Variants in ZNF544 observed in about 807,000 individuals in gnomAD.
ZNF544 encodes the protein zinc finger protein AF020591.
Under a neutral mutation model 13.5 loss-of-function variants are expected in ZNF544, and 10 were observed. That is an observed-to-expected ratio of 0.74 (90% CI 0.46 to 1.25). The LOEUF is 1.25. ZNF544 is among the 50% of genes most tolerant of loss of function. The pLI, the probability that ZNF544 is intolerant of heterozygous loss-of-function variation, is 0.00. For missense variants in ZNF544, 896 were observed against 845.6 expected (o/e 1.06, Z -0.74); for synonymous variants, 323 against 300.5 (o/e 1.07, Z -0.77).
At chr19:58,264,537 C>G (rs1042734447), downstream of ZNF544, among the ~76,000 whole-genome samples, 1 of 151,372 alleles carries the variant, frequency 6.6e-6, no homozygotes, top group Non-Finnish European at 1.5e-5. Flanking sequence ...ACTAAAAATA[C>G]AAAAATTAGC....
chr19:58,242,382 C>A, intron 3 of ZNF544: 1 of 750,378 alleles, frequency 1.3e-6, no homozygotes, highest in Non-Finnish European at 1.6e-6. Context: ...CTTGATATTC[C>A]AGGGAATTTT....
intron 3 of ZNF544, among the ~76,000 whole-genome samples, chr19:58,237,042 C>T (rs900919631): frequency 6.1e-5 from 9 of 148,678 alleles, no homozygotes; most frequent in Non-Finnish European, 1.2e-4. Flanking sequence ...CACCTGGCCT[C>T]ATTCTATGAA....
intron 3 of ZNF544, among the ~76,000 whole-genome samples, chr19:58,239,986 C>T (rs2043219831): frequency 6.6e-6 from 1 of 152,158 alleles, no homozygotes; most frequent in Non-Finnish European, 1.5e-5. Flanking sequence ...GCTCATTCAG[C>T]TCCCAGTGGA....
intron 3 of ZNF544, among the ~76,000 whole-genome samples, chr19:58,239,831 T>C (rs1039035034): frequency 6.7e-5 from 10 of 150,198 alleles, no homozygotes; most frequent in African/African-American, 2.5e-4. Flanking sequence ...CCCAGGAGAC[T>C]GAGGTTGCAG....
downstream of ZNF544, among the ~76,000 whole-genome samples, chr19:58,264,955 C>T (rs564373406): frequency 2.0e-5 from 3 of 152,210 alleles, no homozygotes; most frequent in East Asian, 1.9e-4. Flanking sequence ...GTCTCACCTG[C>T]AGTGAGCTGA....
intron 3 of ZNF544, among the ~76,000 whole-genome samples, chr19:58,238,675 C>T (rs2042935282): frequency 1.3e-5 from 2 of 152,046 alleles, no homozygotes; most frequent in African/African-American, 4.8e-5. Context: ...CAGGAGCCTC[C>T]CGTTGTTGTC....
rs1260648632 is a variant in ZNF544 at position 58,262,079 on chromosome 19, C to A, written c.1473C>A (p.Pro491=). The A allele has an allele frequency of 6.2e-7, 1 of 1,610,090 alleles. No individual in the cohort carries two copies. Among genetic ancestry groups the A allele is most frequent in the South Asian group, 1.1e-5 (1 of 90,934 alleles). Residue 491 remains proline, a synonymous_variant, in exon 7 of 7, where the codon CCC becomes CCA. Transcript: ENST00000687789. ...THKRTHTGEK[P]FKCTQCGKSF... ...AAAGAACGCACACTGGAGAAAAACC[C>A]TTCAAATGTACTCAGTGTGGGAAAT...
At chr19:58,233,698 C>G (rs1188853724) in intron 3 of ZNF544, among the ~76,000 whole-genome samples, 1 of 152,184 alleles carries the variant, frequency 6.6e-6, no homozygotes, top group Admixed American at 6.5e-5. Flanking sequence ...TCCCTTGGTC[C>G]TGAGTCCTGT....
chr19:58,242,685 G>A (rs966830205), intron 3 of ZNF544, among the ~76,000 whole-genome samples: 1 of 151,644 alleles, frequency 6.6e-6, no homozygotes, highest in African/African-American at 2.4e-5. Flanking sequence ...CTAACGTTTT[G>A]TGTTTTCTTT....
intron 3 of ZNF544, among the ~76,000 whole-genome samples, chr19:58,241,245 C>T (rs2043783712): frequency 9.7e-6 from 1 of 102,874 alleles, no homozygotes; most frequent in African/African-American, 3.4e-5. Flanking sequence ...CTCCTGGGCT[C>T]AAACGATGCT....
chr19:58,241,621 T>C (rs2043887753), intron 3 of ZNF544, among the ~76,000 whole-genome samples: 1 of 151,902 alleles, frequency 6.6e-6, no homozygotes, highest in Admixed American at 6.6e-5. Context: ...TTCGGCCTCC[T>C]GAGTAGCTGG....
chr19:58,234,306 T>G (rs1272143432), intron 3 of ZNF544, among the ~76,000 whole-genome samples: 2 of 152,248 alleles, frequency 1.3e-5, no homozygotes, highest in Non-Finnish European at 2.9e-5. Flanking sequence ...GCCTGTGCAT[T>G]GGGGTGCCTC....
At chr19:58,243,239 G>T (rs1007460994) in intron 3 of ZNF544, among the ~76,000 whole-genome samples, 3 of 152,076 alleles carry the variant, frequency 2.0e-5, no homozygotes, top group African/African-American at 7.2e-5. Flanking sequence ...TACAGGATGC[G>T]CTTCTGGAAT....
At chr19:58,258,379 G>A (rs1049529072) in intron 6 of ZNF544, 2 of 157,268 alleles carry the variant, frequency 1.3e-5, no homozygotes, top group African/African-American at 4.8e-5. Flanking sequence ...AGAGTGCTGG[G>A]TGTGAGGGCA....
At chr19:58,245,713 C>T (rs1411127823) in intron 4 of ZNF544, 5 of 166,704 alleles carry the variant, frequency 3.0e-5, no homozygotes, top group Non-Finnish European at 5.3e-5. Context: ...CCTGATTTGT[C>T]CTACAGGCTG....
At chr19:58,248,285 T>C (rs559048789) in intron 6 of ZNF544, among the ~76,000 whole-genome samples, 4 of 148,514 alleles carry the variant, frequency 2.7e-5, no homozygotes, top group East Asian at 3.9e-4. Context: ...TTTTTTTTTT[T>C]TTTTTTTGAG....
chr19:58,233,667 T>C (rs2041820025), intron 3 of ZNF544, among the ~76,000 whole-genome samples: 1 of 152,204 alleles, frequency 6.6e-6, no homozygotes, highest in African/African-American at 2.4e-5. Flanking sequence ...CCTCCTATAT[T>C]AGATCTGTAA....
rs148940736 is a variant in ZNF544 at position 58,256,407 on chromosome 19, G to A, written c.245-4444G>A. Reference sequence around the variant, plus strand: ...GACGGCTAATGCTCAAAATTCTCTCGGCCTCGAGGAAGGGGCTTGATTAAC... The same window carrying A: ...GACGGCTAATGCTCAAAATTCTCTCAGCCTCGAGGAAGGGGCTTGATTAAC... On this transcript the variant is annotated intron_variant, in intron 6 of 6. Coordinates refer to ENST00000687789, the MANE Select transcript of ZNF544 (RefSeq NM_014480.4). 6.9e-3 allele frequency among the ~76,000 whole-genome samples: 1,046 copies of A among 151,996 alleles called. 9 individuals carry two copies. The highest frequency in any genetic ancestry group is 0.023 in the African/African-American group (964 of 41,456).
At chr19:58,249,615 T>C (rs925079355) in intron 6 of ZNF544, among the ~76,000 whole-genome samples, 7 of 152,190 alleles carry the variant, frequency 4.6e-5, no homozygotes, top group African/African-American at 1.7e-4. Flanking sequence ...TGTTGTTGTA[T>C]TTTAGAGGCC....
Sources: gnomAD v4.1 joint callset for allele counts (sites outside exome capture counted in the v4.1 genomes callset) on GRCh38, gnomAD v4.1.1 for gene constraint, MANE v1.5 for transcripts, NCBI Gene and HGNC (gene_info 2026-07-23, HGNC 2026-07-21) for gene names.